The following ST8SIA4 variants were observed in gnomAD, a reference collection of about 807,000 sequenced individuals.
The protein encoded by ST8SIA4 is ST8 alpha-N-acetyl-neuraminide alpha-2,8-sialyltransferase 4, also known as CMP-N-acetylneuraminate-poly-alpha-2,8-sialyltransferase.
A neutral mutation model predicts 33.9 loss-of-function variants in ST8SIA4; 15 were observed. The ratio of observed to expected loss-of-function variants is 0.44; its 90% CI spans 0.30 to 0.68. ST8SIA4 has a LOEUF of 0.68. Among genes scored for constraint, ST8SIA4 ranks in the 30% least tolerant of loss-of-function variants. The probability of loss-of-function intolerance (pLI) is 0.10; values close to 1 mark genes in which losing one functional copy is unlikely to be tolerated. For missense variants in ST8SIA4, 321 were observed against 428.0 expected (o/e 0.75, Z 2.21); for synonymous variants, 171 against 151.2 (o/e 1.13, Z -0.96).
chr5:100,866,763 G>T (rs1355922539), intron 3 of ST8SIA4, among the ~76,000 whole-genome samples: 1 of 151,996 alleles, frequency 6.6e-6, no homozygotes, highest in Non-Finnish European at 1.5e-5. Flanking sequence ...CCAGCCCAAG[G>T]TCATTGATTT....
chr5:100,891,002 A>C (rs886212126), intron 2 of ST8SIA4: 2 of 151,898 alleles, frequency 1.3e-5, no homozygotes, highest in Non-Finnish European at 2.9e-5. Flanking sequence ...GCAGAATCCC[A>C]GAAAATTAAT....
At chr5:100,883,287 T>G (rs1183491978) in intron 3 of ST8SIA4, among the ~76,000 whole-genome samples, 1 of 152,214 alleles carries the variant, frequency 6.6e-6, no homozygotes, top group East Asian at 1.9e-4. Flanking sequence ...TCACTGGATT[T>G]TAGACTAGCA....
At chr5:100,832,910 G>C (rs1329348897) in intron 4 of ST8SIA4, among the ~76,000 whole-genome samples, 2 of 151,946 alleles carry the variant, frequency 1.3e-5, no homozygotes, top group Non-Finnish European at 2.9e-5. Context: ...ACTCTTACAG[G>C]CCCTAAATGC....
chr5:100,860,425 C>T (rs957727148), intron 3 of ST8SIA4, among the ~76,000 whole-genome samples: 7 of 152,102 alleles, frequency 4.6e-5, no homozygotes, highest in African/African-American at 1.7e-4. Flanking sequence ...TGTTTCTCAG[C>T]TTGAGGAGCA....
rs1457868423 is a variant in ST8SIA4, at chr5:100,835,708, C to A, written c.797+20395G>T. Among the ~76,000 whole-genome samples the A allele has an allele frequency of 2.0e-5, 3 of 152,080 alleles. No individual in the cohort carries two copies. The South Asian group carries it at 6.2e-4, about 31-fold the overall frequency. On this transcript the variant is annotated intron_variant, in intron 4 of 4. Transcript: ENST00000231461. ...ACATAGTGAAGTCCATAGATATTCA[C>A]CAACAATTAATGTACAGCTATTTCA...
intron 3 of ST8SIA4, among the ~76,000 whole-genome samples, chr5:100,882,262 T>C (rs1752442854): frequency 6.6e-6 from 1 of 152,218 alleles, no homozygotes; most frequent in Non-Finnish European, 1.5e-5. Flanking sequence ...CAAAGGTGAC[T>C]CTTTTTATGT....
chr5:100,901,208 G>A (rs1752902548), intron 1 of ST8SIA4, among the ~76,000 whole-genome samples: 2 of 152,130 alleles, frequency 1.3e-5, no homozygotes, highest in Admixed American at 1.3e-4. Context: ...GCTCGGAGAT[G>A]GACACCTCGG....
intron 3 of ST8SIA4, among the ~76,000 whole-genome samples, chr5:100,860,631 T>C (rs1045989692): frequency 2.6e-5 from 4 of 152,144 alleles, no homozygotes; most frequent in African/African-American, 7.2e-5. Flanking sequence ...CACTTTTAGA[T>C]GAGAAACTAA....
chr5:100,841,250 A>G (rs1392998650), intron 4 of ST8SIA4, among the ~76,000 whole-genome samples: 2 of 151,776 alleles, frequency 1.3e-5, no homozygotes, highest in African/African-American at 4.8e-5. Flanking sequence ...GCTTTTTGTA[A>G]ACTGGGACTT....
Position 100,811,733 on chromosome 5 carries a change from C to T in ST8SIA4, c.*114G>A, listed in dbSNP as rs1750820454. On this transcript the variant is annotated 3_prime_UTR_variant, in exon 5 of 5. Transcript: ENST00000231461. ...CGATTTCTCATGAACGTCCTTTATT[C>T]ACCTTTCAGTTCATTGGTGGATGCT... 4 of 1,050,050 alleles carry T rather than the reference C, an allele frequency of 3.8e-6. No individual in the cohort carries two copies. In the Admixed American group the frequency reaches 1.1e-4, roughly 30 times the overall value. The allele number at this position is 1,050,050 out of a possible 1,614,324, so 65.0% of individuals were successfully genotyped here.
At chr5:100,828,550 G>A (rs1047364891) in intron 4 of ST8SIA4, among the ~76,000 whole-genome samples, 2 of 152,134 alleles carry the variant, frequency 1.3e-5, no homozygotes, top group Non-Finnish European at 2.9e-5. Context: ...TTCTAATCAC[G>A]TCTTTGCTAA....
intron 4 of ST8SIA4, among the ~76,000 whole-genome samples, chr5:100,813,038 C>T (rs770529078): frequency 3.0e-4 from 45 of 152,082 alleles, no homozygotes; most frequent in Middle Eastern, 3.4e-3. Context: ...GTTTTTCTAT[C>T]GTCTTCTATT....
At chr5:100,856,007 G>T in intron 4 of ST8SIA4, 96 bp downstream of exon 4, 1 of 1,120,244 alleles carries the variant, frequency 8.9e-7, no homozygotes, top group Non-Finnish European at 1.3e-6. Flanking sequence ...ATATCCATTT[G>T]GAGATTTTAC....
intron 1 of ST8SIA4, among the ~76,000 whole-genome samples, chr5:100,902,433 C>T (rs1445030444): frequency 2.6e-5 from 4 of 152,132 alleles, no homozygotes; most frequent in African/African-American, 9.7e-5. Flanking sequence ...AACTTCAGCC[C>T]TTCGAGAAAC....
At chr5:100,840,385 T>A (rs1751448210) in intron 4 of ST8SIA4, among the ~76,000 whole-genome samples, 1 of 151,934 alleles carries the variant, frequency 6.6e-6, no homozygotes, top group Admixed American at 6.6e-5. Flanking sequence ...TTTTAGAGTT[T>A]TTTTTTAGGG....
intron 1 of ST8SIA4, among the ~76,000 whole-genome samples, chr5:100,897,991 C>T (rs1752817156): frequency 6.6e-6 from 1 of 152,168 alleles, no homozygotes; most frequent in Non-Finnish European, 1.5e-5. Flanking sequence ...GATATGACTA[C>T]ATGATTTCAG....
chr5:100,885,535 C>T, intron 3 of ST8SIA4: 4 of 932,946 alleles, frequency 4.3e-6, no homozygotes, highest in Non-Finnish European at 5.1e-6. Context: ...GCATACTTTT[C>T]TATCTATCTT....
chr5:100,891,814 A>C (rs1169379401), intron 2 of ST8SIA4, among the ~76,000 whole-genome samples: 1 of 152,070 alleles, frequency 6.6e-6, no homozygotes. Flanking sequence ...CTGGGTTTGA[A>C]TCTTGACACT....
At chr5:100,854,312 G>T (rs143691765) in intron 4 of ST8SIA4, among the ~76,000 whole-genome samples, 1,858 of 152,016 alleles carry the variant, frequency 0.012, 41 homozygotes, top group African/African-American at 0.042. Flanking sequence ...GGCCAGGCAC[G>T]GTGGCTCATG....
Sources: allele counts gnomAD v4.1 joint callset (sites outside exome capture counted in the v4.1 genomes callset), GRCh38; gene constraint gnomAD v4.1.1; transcripts MANE v1.5; gene names NCBI Gene and HGNC (gene_info 2026-07-23, HGNC 2026-07-21).